The following SLC8A1 variants were observed in gnomAD, a reference collection of about 807,000 sequenced individuals.
The protein encoded by SLC8A1 is sodium/calcium exchanger 1.
Under a neutral mutation model 68.3 loss-of-function variants are expected in SLC8A1, and 18 were observed. The observed-to-expected ratio is 0.26, with a 90% CI of 0.18 to 0.39. SLC8A1 has a LOEUF of 0.39. Among genes scored for constraint, SLC8A1 ranks in the 10% least tolerant of loss-of-function variants. The pLI is 1.00. For synonymous variants in SLC8A1, 475 were observed against 415.5 expected, an observed-to-expected ratio of 1.14 and a Z score of -1.74; for missense variants, 985 against 1,156.7, an observed-to-expected ratio of 0.85 and a Z score of 2.15.
At chr2:40,321,330 C>T (rs1280983570) in intron 2 of SLC8A1, among the ~76,000 whole-genome samples, 1 of 151,972 alleles carries the variant, frequency 6.6e-6, no homozygotes, top group African/African-American at 2.4e-5. Context: ...ACCAGTATAA[C>T]CATGTATATC....
chr2:40,134,075 T>TTTTG (rs1300325309), intron 7 of SLC8A1, among the ~76,000 whole-genome samples: 4 of 96,380 alleles, frequency 4.2e-5, no homozygotes, highest in Non-Finnish European at 8.1e-5. Flanking sequence ...TACCTAAAGT[T>TTTTG]TTTGTTTGTT....
chr2:40,455,030 G>C (rs1479126472), upstream of SLC8A1, among the ~76,000 whole-genome samples: 1 of 152,198 alleles, frequency 6.6e-6, no homozygotes, highest in African/African-American at 2.4e-5. Context: ...GGAATTAAGA[G>C]TCACCGGGTC....
chr2:40,266,305 G>A (rs372769341), intron 2 of SLC8A1, among the ~76,000 whole-genome samples: 37 of 152,144 alleles, frequency 2.4e-4, no homozygotes, highest in East Asian at 9.7e-4. Flanking sequence ...TCACATCTAA[G>A]GAACAGTTTC....
At chr2:40,392,520 T>C (rs78591487) in intron 2 of SLC8A1, among the ~76,000 whole-genome samples, 2 of 152,196 alleles carry the variant, frequency 1.3e-5, no homozygotes, top group East Asian at 1.9e-4. Flanking sequence ...AGTAATACTA[T>C]GTGGTATCAC....
chr2:40,296,597 C>CA (rs2149251525), intron 2 of SLC8A1, among the ~76,000 whole-genome samples: 1 of 151,844 alleles, frequency 6.6e-6, no homozygotes, highest in East Asian at 1.9e-4. Context: ...TTCTTTATAC[C>CA]AAATAAAACA....
intron 5 of SLC8A1, among the ~76,000 whole-genome samples, 164 bp from the exon 9 acceptor site, chr2:40,161,028 C>T (rs2045583801): frequency 6.6e-6 from 1 of 152,176 alleles, no homozygotes; most frequent in Admixed American, 6.6e-5. Flanking sequence ...TGCAAACAAG[C>T]ATGGTCCTTA....
chr2:40,191,166 C>G (rs1297958760), intron 2 of SLC8A1, among the ~76,000 whole-genome samples: 4 of 152,130 alleles, frequency 2.6e-5, no homozygotes, highest in African/African-American at 9.7e-5. Context: ...TCACTACCGA[C>G]AAAATATCAA....
intron 1 of SLC8A1, among the ~76,000 whole-genome samples, chr2:40,511,602 A>G (rs920371535): frequency 3.3e-5 from 5 of 152,148 alleles, no homozygotes; most frequent in African/African-American, 1.2e-4. Context: ...TTCTGCCACA[A>G]TCTATTCCCA....
Position 40,429,380 on chromosome 2 carries a change from C to A in SLC8A1, c.901G>T (p.Glu301Ter). 6.2e-7 allele frequency: 1 copy of A among 1,613,862 alleles called. No homozygotes were observed. Among genetic ancestry groups the A allele is most frequent in the Non-Finnish European group, 8.5e-7 (1 of 1,179,902 alleles). The change falls in exon 2 of 8, where the codon GAA becomes TAA. Residue 301 changes from glutamate (E) to a stop codon, truncating the protein, a stop_gained. Coordinates refer to ENST00000406785, the Ensembl canonical transcript of SLC8A1. LOFTEE classifies it high-confidence loss of function. Reference sequence around the variant, plus strand: ...ACCAGAGCACCATCTAAGAAATTTTCAACATGAGAATTGACCACTTTCCCG... The same window carrying A: ...ACCAGAGCACCATCTAAGAAATTTTAAACATGAGAATTGACCACTTTCCCG...
intron 2 of SLC8A1, among the ~76,000 whole-genome samples, chr2:40,299,179 G>A (rs2070970671): frequency 6.6e-6 from 1 of 152,124 alleles, no homozygotes; most frequent in African/African-American, 2.4e-5. Flanking sequence ...AGGCTGTTGG[G>A]CTGCACCTAC....
chr2:40,372,329 A>T (rs1182084702), intron 2 of SLC8A1, among the ~76,000 whole-genome samples: 2 of 152,150 alleles, frequency 1.3e-5, no homozygotes, highest in African/African-American at 4.8e-5. Context: ...GTGTTCTACC[A>T]CAGAGATCTG....
At chr2:40,452,484 G>A (rs879749037), upstream of SLC8A1, among the ~76,000 whole-genome samples, 20 of 152,154 alleles carry the variant, frequency 1.3e-4, no homozygotes, top group African/African-American at 3.6e-4. Flanking sequence ...CGCGCACACA[G>A]GCGCTGCAAC....
intron 2 of SLC8A1, among the ~76,000 whole-genome samples, chr2:40,391,405 T>G (rs1044964704): frequency 3.3e-5 from 5 of 152,012 alleles, no homozygotes; most frequent in African/African-American, 1.2e-4. Flanking sequence ...AGAAATACTT[T>G]CTGGAAGCTC....
chr2:40,466,491 TGAAAA>T (rs1188367218), intron 1 of SLC8A1, among the ~76,000 whole-genome samples: 2 of 152,158 alleles, frequency 1.3e-5, no homozygotes, highest in African/African-American at 4.8e-5. Flanking sequence ...CTGAGGTGTA[TGAAAA>T]GAAAATATGT....
intron 4 of SLC8A1, among the ~76,000 whole-genome samples, chr2:40,173,621 G>A (rs66517746): frequency 0.018 from 2,786 of 152,214 alleles, 34 homozygotes; most frequent in Middle Eastern, 0.051. Flanking sequence ...CACTAACAGT[G>A]GATTAAGTTC....
chr2:40,327,368 A>G (rs2075944598), intron 2 of SLC8A1, among the ~76,000 whole-genome samples: 1 of 152,200 alleles, frequency 6.6e-6, no homozygotes, highest in Admixed American at 6.6e-5. Flanking sequence ...TTAACATTTC[A>G]CATTATTCCC....
chr2:40,420,407 A>C (rs1695161244), intron 2 of SLC8A1, among the ~76,000 whole-genome samples: 1 of 152,158 alleles, frequency 6.6e-6, no homozygotes, highest in Non-Finnish European at 1.5e-5. Flanking sequence ...GTACGAAGAA[A>C]AGCTGCATTC....
chr2:40,340,642 T>C (rs896096962), intron 2 of SLC8A1, among the ~76,000 whole-genome samples: 3 of 152,104 alleles, frequency 2.0e-5, no homozygotes, highest in African/African-American at 7.2e-5. Context: ...AGGTTTAGGG[T>C]TAGGATTTTT....
chr2:40,463,284 G>A (rs756068665), intron 1 of SLC8A1, among the ~76,000 whole-genome samples: 1 of 152,180 alleles, frequency 6.6e-6, no homozygotes, highest in Non-Finnish European at 1.5e-5. Context: ...AGATGCAGTT[G>A]AGGAACTGAA....
Sources: allele counts gnomAD v4.1 joint callset (sites outside exome capture counted in the v4.1 genomes callset), GRCh38; gene constraint gnomAD v4.1.1; transcripts MANE v1.5; gene names NCBI Gene and HGNC (gene_info 2026-07-23, HGNC 2026-07-21).